The following SLC26A7 variants were observed in gnomAD, a reference collection of about 807,000 sequenced individuals.
SLC26A7 encodes anion exchange transporter.
A neutral mutation model predicts 82.5 loss-of-function variants in SLC26A7; 59 were observed. That is an observed-to-expected ratio of 0.72 (90% CI 0.58 to 0.89). SLC26A7 has a LOEUF of 0.89. SLC26A7 is among the 40% of genes least tolerant of loss of function. The pLI is 0.00. For missense variants in SLC26A7, 820 were observed against 793.0 expected, an observed-to-expected ratio of 1.03 and a Z score of -0.41; for synonymous variants, 271 against 274.3, an observed-to-expected ratio of 0.99 and a Z score of 0.12.
intron 2 of SLC26A7, among the ~76,000 whole-genome samples, chr8:91,266,585 G>T (rs999475020): frequency 4.6e-5 from 7 of 151,654 alleles, no homozygotes; most frequent in African/African-American, 1.7e-4. Flanking sequence ...GATGTATATT[G>T]ATTTTGTATC....
chr8:91,323,692 A>G lies in SLC26A7; in HGVS notation c.642+5312A>G, dbSNP rs113300312. ...ATAGTTATTGATTAGAAATTGGGGT[A>G]TAATGATGTAAAAAACTACCAGAAT... On this transcript the variant is annotated intron_variant, in intron 5 of 18. Coordinates refer to ENST00000276609, the MANE Select transcript of SLC26A7 (RefSeq NM_052832.4). Among the ~76,000 whole-genome samples, 224 of 152,292 alleles carry G rather than the reference A, an allele frequency of 1.5e-3. 2 individuals carry two copies. Among genetic ancestry groups the G allele is most frequent in the African/African-American group, 5.3e-3 (221 of 41,564 alleles).
At chr8:91,245,488 C>T (rs1810533035), upstream of SLC26A7, among the ~76,000 whole-genome samples, 1 of 152,078 alleles carries the variant, frequency 6.6e-6, no homozygotes, top group Non-Finnish European at 1.5e-5. Flanking sequence ...AGAGTATGGC[C>T]TTCCTTAGTA....
At chr8:91,225,501 A>G (rs372143527) in intron 2 of SLC26A7, among the ~76,000 whole-genome samples, 2 of 149,936 alleles carry the variant, frequency 1.3e-5, no homozygotes, top group African/African-American at 4.9e-5. Flanking sequence ...CTTCTAGTCA[A>G]TTTTGATGAG....
chr8:91,319,517 T>A (rs1379119967), intron 5 of SLC26A7, among the ~76,000 whole-genome samples: 1 of 152,230 alleles, frequency 6.6e-6, no homozygotes, highest in Non-Finnish European at 1.5e-5. Flanking sequence ...ATTTCTTAGA[T>A]AATTTCCTGC....
chr8:91,249,742 C>T lies in SLC26A7; in HGVS notation c.91C>T (p.Arg31Ter). 12 of 1,612,378 alleles carry T rather than the reference C, an allele frequency of 7.4e-6. No individual in the cohort carries two copies. The highest frequency in any genetic ancestry group is 1.0e-5 in the Non-Finnish European group (12 of 1,179,094). The part of the protein sequence containing the change: ...CEDIIQWCRR[R>*]LPILDWAPHY... ...AGACATTATACAGTGGTGTAGAAGG[C>T]GACTGCCCATTTTGGATTGGGCACC... Residue 31 changes from arginine (R) to a stop codon, truncating the protein, a stop_gained, in exon 2 of 19, where the codon CGA (arginine) becomes TGA (stop). Coordinates refer to ENST00000276609, the MANE Select transcript of SLC26A7 (RefSeq NM_052832.4). LOFTEE classifies it high-confidence loss of function.
At chr8:91,348,900 A>C (rs1351126014) in intron 9 of SLC26A7, among the ~76,000 whole-genome samples, 1 of 152,218 alleles carries the variant, frequency 6.6e-6, no homozygotes, top group Non-Finnish European at 1.5e-5. Context: ...TAGAATCCTG[A>C]AATTAGAGAA....
Position 91,388,353 on chromosome 8 carries a change from C to T in SLC26A7, c.1676-985C>T, listed in dbSNP as rs116619896. On this transcript the variant is annotated intron_variant, in intron 15 of 18. Coordinates refer to ENST00000276609, the MANE Select transcript of SLC26A7 (RefSeq NM_052832.4). ...GCTCCGCCTCCCGGGTTAACGCCAT[C>T]TTCCTGCCTCAGCCTCCCGAGCGGG... Among the ~76,000 whole-genome samples the T allele has an allele frequency of 5.3e-3, 796 of 150,782 alleles. 11 individuals carry two copies. The highest frequency in any genetic ancestry group is 0.018 in the African/African-American group (718 of 41,022).
intron 2 of SLC26A7, among the ~76,000 whole-genome samples, chr8:91,258,883 A>C (rs1810881515): frequency 6.6e-6 from 1 of 152,088 alleles, no homozygotes. Context: ...AACTCCAACA[A>C]AACTAAATTT....
At chr8:91,338,922 C>T (rs976780778) in intron 7 of SLC26A7, among the ~76,000 whole-genome samples, 2 of 152,002 alleles carry the variant, frequency 1.3e-5, no homozygotes, top group Non-Finnish European at 2.9e-5. Flanking sequence ...TTGTTGAATC[C>T]TATAAATTTT....
intron 14 of SLC26A7, among the ~76,000 whole-genome samples, chr8:91,368,614 G>A (rs1315459723): frequency 3.3e-5 from 5 of 151,746 alleles, no homozygotes; most frequent in African/African-American, 1.2e-4. Context: ...TAGTAGAGAC[G>A]GGGTTTCACC....
chr8:91,317,959 A>T (rs1222238839), intron 4 of SLC26A7, among the ~76,000 whole-genome samples: 1 of 146,842 alleles, frequency 6.8e-6, no homozygotes, highest in Admixed American at 6.8e-5. Context: ...TATATATATA[A>T]AATAAAAATA....
chr8:91,331,264 T>C lies in SLC26A7; in HGVS notation c.643-3031T>C, dbSNP rs140782415. ...AACAATGTCAAACCATATGCATTTA[T>C]CTGAAACTTTTCTTTTCCGACTTAG... On this transcript the variant is annotated intron_variant, in intron 5 of 18. Coordinates refer to ENST00000276609, the MANE Select transcript of SLC26A7 (RefSeq NM_052832.4). Among the ~76,000 whole-genome samples, 16 of 152,280 alleles carry C rather than the reference T, an allele frequency of 1.1e-4. No individual in the cohort carries two copies. In the East Asian group the frequency reaches 3.1e-3, roughly 29 times the overall value.
At chr8:91,348,416 T>C in intron 9 of SLC26A7, 2 of 921,180 alleles carry the variant, frequency 2.2e-6, no homozygotes, top group Non-Finnish European at 2.6e-6. Flanking sequence ...ATAATAAAAA[T>C]GCATGTATGG....
intron 2 of SLC26A7, among the ~76,000 whole-genome samples, chr8:91,256,885 C>A (rs1810818741): frequency 6.6e-6 from 1 of 152,098 alleles, no homozygotes; most frequent in African/African-American, 2.4e-5. Flanking sequence ...TGGCCCACTT[C>A]TAGGACTGCT....
chr8:91,387,224 G>A (rs919276640), intron 15 of SLC26A7, among the ~76,000 whole-genome samples: 6 of 152,060 alleles, frequency 3.9e-5, no homozygotes, highest in Non-Finnish European at 5.9e-5. Context: ...TCCTATCTGT[G>A]ATAATAAGCC....
intron 2 of SLC26A7, among the ~76,000 whole-genome samples, chr8:91,282,930 A>G (rs889471587): frequency 6.6e-6 from 1 of 151,798 alleles, no homozygotes; most frequent in Non-Finnish European, 1.5e-5. Flanking sequence ...TTCATCTGTT[A>G]CTCCTCATTC....
At position 91,336,970 on chromosome 8, in the gene SLC26A7, G is replaced by C. The variant is rs539654465; in HGVS notation, c.796-1180G>C. 2.0e-4 allele frequency among the ~76,000 whole-genome samples: 31 copies of C among 152,220 alleles called. No individual in the cohort carries two copies. In the East Asian group the frequency reaches 3.9e-3, roughly 19 times the overall value. ...TATTAATTGGCGTAGGAATTTTTAA[G>C]TATGTTAATATGTCTGATTCTAACT... On this transcript the variant is annotated intron_variant, in intron 6 of 18. Coordinates refer to ENST00000276609, the MANE Select transcript of SLC26A7 (RefSeq NM_052832.4).
chr8:91,351,237 C>T (rs1813706465), intron 9 of SLC26A7, among the ~76,000 whole-genome samples: 1 of 152,090 alleles, frequency 6.6e-6, no homozygotes. Context: ...GAACATGATA[C>T]TAATGGCTTT....
chr8:91,385,633 G>T (rs1008599028), intron 15 of SLC26A7, among the ~76,000 whole-genome samples: 1 of 151,930 alleles, frequency 6.6e-6, no homozygotes, highest in Non-Finnish European at 1.5e-5. Flanking sequence ...TCAATTAAAG[G>T]GATAGCACAG....
Sources: gnomAD v4.1 joint callset for allele counts (sites outside exome capture counted in the v4.1 genomes callset) on GRCh38, gnomAD v4.1.1 for gene constraint, MANE v1.5 for transcripts, NCBI Gene and HGNC (gene_info 2026-07-23, HGNC 2026-07-21) for gene names.